CNTLN: variants seen among roughly 807,000 people sequenced by gnomAD.
CNTLN encodes centlein.
CNTLN carries 212 observed loss-of-function variants against 180.0 expected under a neutral mutation model. The ratio of observed to expected loss-of-function variants is 1.18; its 90% CI spans 1.05 to 1.32. The LOEUF (loss-of-function observed/expected upper bound fraction) is 1.32. Ranked by LOEUF, CNTLN falls within the 40% of genes most tolerant of loss-of-function variation. The pLI, the probability that CNTLN is intolerant of heterozygous loss-of-function variation, is 0.00. For missense variants in CNTLN, 2,095 were observed against 1,610.9 expected, an observed-to-expected ratio of 1.30 and a Z score of -5.14; for synonymous variants, 722 against 563.1, an observed-to-expected ratio of 1.28 and a Z score of -3.99.
At chr9:17,193,688 G>T (rs772884761) in intron 2 of CNTLN, among the ~76,000 whole-genome samples, 1 of 152,156 alleles carries the variant, frequency 6.6e-6, no homozygotes, top group Non-Finnish European at 1.5e-5. Flanking sequence ...GGTGCAAGCT[G>T]TTGGTAGATT....
At chr9:17,518,035 C>T in the CNTLN span, among the ~76,000 whole-genome samples, 4 of 102,048 alleles carry the variant, frequency 3.9e-5, no homozygotes, top group Admixed American at 1.3e-4. Context: ...TTTTTCTTTT[C>T]CTTTTTTTTT....
At chr9:17,322,148 G>T (rs1157304976) in intron 8 of CNTLN, among the ~76,000 whole-genome samples, 4 of 151,946 alleles carry the variant, frequency 2.6e-5, no homozygotes, top group African/African-American at 9.7e-5. Flanking sequence ...ATGTAGATAT[G>T]ACCACACAAA....
intron 15 of CNTLN, among the ~76,000 whole-genome samples, chr9:17,399,298 G>C (rs1826782177): frequency 6.6e-6 from 1 of 152,114 alleles, no homozygotes; most frequent in African/African-American, 2.4e-5. Flanking sequence ...TGAGAACTTA[G>C]AGGGAAAATC....
At chr9:17,337,059 G>T (rs1437208552) in intron 10 of CNTLN, among the ~76,000 whole-genome samples, 1 of 152,158 alleles carries the variant, frequency 6.6e-6, no homozygotes, top group East Asian at 1.9e-4. Flanking sequence ...ATAATGACCA[G>T]TGATGATGAG....
At chr9:17,514,036 A>G in the CNTLN span, among the ~76,000 whole-genome samples, 3 of 152,060 alleles carry the variant, frequency 2.0e-5, no homozygotes, top group African/African-American at 7.2e-5. Flanking sequence ...AGCCAGGCAC[A>G]GTGGCTCACA....
At chr9:17,329,602 C>T (rs1820512134) in intron 8 of CNTLN, among the ~76,000 whole-genome samples, 1 of 151,666 alleles carries the variant, frequency 6.6e-6, no homozygotes, top group Non-Finnish European at 1.5e-5. Context: ...CAAATATGGT[C>T]CCTCTCATTA....
intron 4 of CNTLN, among the ~76,000 whole-genome samples, chr9:17,236,169 A>T (rs780552973): frequency 6.6e-6 from 1 of 152,162 alleles, no homozygotes; most frequent in Non-Finnish European, 1.5e-5. Context: ...TTGATCAATT[A>T]ATGGGCTCTT....
intron 2 of CNTLN, among the ~76,000 whole-genome samples, chr9:17,190,031 A>G (rs1390070375): frequency 1.3e-5 from 2 of 151,316 alleles, no homozygotes; most frequent in African/African-American, 4.9e-5. Context: ...ATCCTCTAGT[A>G]TATTGCCTGG....
chr9:17,312,800 T>C lies in CNTLN; in HGVS notation c.1341+3548T>C, dbSNP rs545677758. The stretch of plus-strand genomic sequence containing the variant: ...AGAATAATTTGTATTTTGCAACTAC[T>C]GGGCAGAGTGCTCCTTAAATATCAA... On this transcript the variant is annotated intron_variant, in intron 8 of 25. Transcript: ENST00000380647. Among the ~76,000 whole-genome samples the C allele has an allele frequency of 3.3e-5, 5 of 152,280 alleles. No homozygotes were observed. The South Asian group carries it at 6.2e-4, about 19-fold the overall frequency.
chr9:17,311,473 A>G (rs1819130465), intron 8 of CNTLN, among the ~76,000 whole-genome samples: 1 of 144,754 alleles, frequency 6.9e-6, no homozygotes, highest in East Asian at 2.0e-4. Context: ...TTTTTAAGGC[A>G]GAAGATCCCA....
intron 2 of CNTLN, among the ~76,000 whole-genome samples, chr9:17,216,553 C>T (rs1464050177): frequency 6.6e-6 from 1 of 152,144 alleles, no homozygotes; most frequent in African/African-American, 2.4e-5. Flanking sequence ...ATCCTTGATA[C>T]ACTTGGTTCA....
At chr9:17,250,585 C>G (rs1826079146) in intron 5 of CNTLN, among the ~76,000 whole-genome samples, 1 of 152,018 alleles carries the variant, frequency 6.6e-6, no homozygotes, top group East Asian at 1.9e-4. Flanking sequence ...TGAATTGATA[C>G]AAAGTGTTTT....
At chr9:17,472,024 C>T (rs533112476) in intron 23 of CNTLN, among the ~76,000 whole-genome samples, 1 of 152,062 alleles carries the variant, frequency 6.6e-6, no homozygotes, top group East Asian at 1.9e-4. Flanking sequence ...CTGAAAGATA[C>T]ACTTTGGATG....
intron 2 of CNTLN, among the ~76,000 whole-genome samples, chr9:17,224,417 A>G (rs1218925304): frequency 6.6e-6 from 1 of 152,020 alleles, no homozygotes; most frequent in African/African-American, 2.4e-5. Context: ...TAATTCTAAA[A>G]TATTCCCAGC....
chr9:17,253,132 T>C lies in CNTLN; in HGVS notation c.849+16544T>C, dbSNP rs865842915. 1.6e-4 allele frequency among the ~76,000 whole-genome samples: 25 copies of C among 151,962 alleles called. No individual in the cohort carries two copies. In the South Asian group the frequency reaches 1.9e-3, roughly 11 times the overall value. ...ATATTTTGTTTCATTGGTCTATGTG[T>C]CTATATTTATACCAACACCATGCTG... On this transcript the variant is annotated intron_variant, in intron 5 of 25. Transcript: ENST00000380647.
At chr9:17,276,939 C>T (rs1240601694) in intron 6 of CNTLN, among the ~76,000 whole-genome samples, 1 of 152,024 alleles carries the variant, frequency 6.6e-6, no homozygotes, top group Non-Finnish European at 1.5e-5. Flanking sequence ...GGAAGTCCAA[C>T]TCTATGCATA....
chr9:17,159,563 C>T (rs1819534183), intron 2 of CNTLN, among the ~76,000 whole-genome samples: 1 of 152,170 alleles, frequency 6.6e-6, no homozygotes, highest in East Asian at 1.9e-4. Flanking sequence ...GAAAGGAGTA[C>T]CCACTGCTCA....
chr9:17,423,104 G>A (rs1238762490), intron 18 of CNTLN, among the ~76,000 whole-genome samples: 1 of 152,194 alleles, frequency 6.6e-6, no homozygotes, highest in African/African-American at 2.4e-5. Context: ...GTTGCCTGGA[G>A]TTGGGAGAGG....
At chr9:17,479,107 G>A (rs924334222) in intron 23 of CNTLN, among the ~76,000 whole-genome samples, 4 of 152,174 alleles carry the variant, frequency 2.6e-5, no homozygotes, top group Admixed American at 2.0e-4. Flanking sequence ...ATGCAAAGTG[G>A]TGCAGCTGCT....
Sources: allele counts gnomAD v4.1 joint callset (sites outside exome capture counted in the v4.1 genomes callset), GRCh38; gene constraint gnomAD v4.1.1; transcripts MANE v1.5; gene names NCBI Gene and HGNC (gene_info 2026-07-23, HGNC 2026-07-21).